The following GRID2 variants were observed in gnomAD, a reference collection of about 807,000 sequenced individuals.
GRID2 encodes the protein glutamate receptor ionotropic, delta-2.
In GRID2, 33 loss-of-function variants were observed where a neutral mutation model predicts 114.8. That is an observed-to-expected ratio of 0.29 (90% CI 0.22 to 0.38). The LOEUF (loss-of-function observed/expected upper bound fraction) is 0.38. Ranked by LOEUF, GRID2 falls within the 10% of genes least tolerant of loss-of-function variation. The pLI is 1.00. For missense variants in GRID2, 1,184 were observed against 1,257.7 expected (o/e 0.94, Z 0.89); for synonymous variants, 505 against 449.9 (o/e 1.12, Z -1.55).
chr4:92,814,926 T>G (rs1454193316), intron 2 of GRID2, among the ~76,000 whole-genome samples: 1 of 152,080 alleles, frequency 6.6e-6, no homozygotes. Flanking sequence ...CCCAATGTCA[T>G]GTACTGACAG....
At chr4:92,513,856 G>A (rs1462393395) in intron 1 of GRID2, among the ~76,000 whole-genome samples, 1 of 151,932 alleles carries the variant, frequency 6.6e-6, no homozygotes, top group Non-Finnish European at 1.5e-5. Context: ...TATATTTTAT[G>A]TGAGTTTAAT....
At chr4:92,499,666 G>A (rs1038084142) in intron 1 of GRID2, among the ~76,000 whole-genome samples, 7 of 152,168 alleles carry the variant, frequency 4.6e-5, no homozygotes, top group Non-Finnish European at 8.8e-5. Flanking sequence ...AAGCTGGAGT[G>A]CAATGGCGTG....
At chr4:93,784,461 G>A (rs537977960) in intron 1 of GRID2, among the ~76,000 whole-genome samples, 17 of 152,140 alleles carry the variant, frequency 1.1e-4, no homozygotes, top group African/African-American at 4.1e-4. Context: ...AATTGGAAAT[G>A]TGAATGTAGA....
At chr4:92,818,207 A>G (rs1324739715) in intron 2 of GRID2, among the ~76,000 whole-genome samples, 3 of 152,178 alleles carry the variant, frequency 2.0e-5, no homozygotes, top group Non-Finnish European at 4.4e-5. Flanking sequence ...ACTGATAAGC[A>G]GAATAACAGT....
intron 13 of GRID2, among the ~76,000 whole-genome samples, chr4:93,543,526 G>A (rs1654426954): frequency 6.6e-6 from 1 of 152,112 alleles, no homozygotes; most frequent in Admixed American, 6.6e-5. Flanking sequence ...ATGAATGAGT[G>A]AAAATAAAAT....
chr4:93,616,991 C>CA (rs373179529), intron 13 of GRID2, among the ~76,000 whole-genome samples: 1,371 of 106,534 alleles, frequency 0.013, 18 homozygotes, highest in African/African-American at 0.04. Flanking sequence ...GATTCCATCT[C>CA]AAAAAAAAAA....
chr4:93,531,846 A>G (rs1371902958), intron 13 of GRID2, among the ~76,000 whole-genome samples: 2 of 151,954 alleles, frequency 1.3e-5, no homozygotes, highest in Non-Finnish European at 2.9e-5. Context: ...AATTATTTTT[A>G]TTTTTCATAT....
intron 2 of GRID2, among the ~76,000 whole-genome samples, chr4:92,934,400 A>T (rs1750479206): frequency 6.6e-6 from 1 of 150,712 alleles, no homozygotes; most frequent in African/African-American, 2.4e-5. Context: ...ACTTTGCTGA[A>T]GCTGCTTATC....
chr4:92,360,350 TG>T, intron 1 of GRID2, among the ~76,000 whole-genome samples: 1 of 152,088 alleles, frequency 6.6e-6, no homozygotes, highest in Non-Finnish European at 1.5e-5. Context: ...TTCATAAAAT[TG>T]TTTTGATTCT....
At chr4:92,340,372 TAC>T (rs1337086446) in intron 1 of GRID2, among the ~76,000 whole-genome samples, 1 of 152,178 alleles carries the variant, frequency 6.6e-6, no homozygotes, top group Non-Finnish European at 1.5e-5. Context: ...TGATGTTATT[TAC>T]AGCATCTCAG....
intron 1 of GRID2, among the ~76,000 whole-genome samples, chr4:92,492,546 G>C (rs1723190499): frequency 6.6e-6 from 1 of 152,080 alleles, no homozygotes; most frequent in African/African-American, 2.4e-5. Context: ...GATATTCTTG[G>C]ATAGAGAACA....
intron 8 of GRID2, among the ~76,000 whole-genome samples, chr4:93,316,291 C>CGAAAGAAAGAAATAAA (rs1756597924): frequency 2.6e-5 from 2 of 77,122 alleles, no homozygotes; most frequent in Non-Finnish European, 5.1e-5. Context: ...AACGAAAGAA[C>CGAAAGAAAGAAATAAA]GAAAGAAAGA....
chr4:93,592,757 C>A (rs186700512), intron 13 of GRID2, among the ~76,000 whole-genome samples: 1 of 152,278 alleles, frequency 6.6e-6, no homozygotes, highest in East Asian at 1.9e-4. Context: ...TGGGTGCATA[C>A]ATATTTAGGA....
At chr4:93,082,860 G>A (rs1316875509) in intron 2 of GRID2, among the ~76,000 whole-genome samples, 1 of 152,180 alleles carries the variant, frequency 6.6e-6, no homozygotes, top group Non-Finnish European at 1.5e-5. Context: ...TGGGTTGGAA[G>A]AAACAAGATT....
At chr4:92,443,616 C>G (rs1733255059) in intron 1 of GRID2, among the ~76,000 whole-genome samples, 1 of 151,904 alleles carries the variant, frequency 6.6e-6, no homozygotes, top group Admixed American at 6.6e-5. Context: ...CTTGCCTCTC[C>G]TCTAGAAAAG....
At chr4:93,323,313 C>G (rs1335964425) in intron 8 of GRID2, among the ~76,000 whole-genome samples, 2 of 152,082 alleles carry the variant, frequency 1.3e-5, no homozygotes, top group African/African-American at 4.8e-5. Context: ...AATCCTTTCC[C>G]CATTTTTTAT....
chr4:93,329,878 G>GA (rs1758245331), intron 8 of GRID2, among the ~76,000 whole-genome samples: 1 of 150,728 alleles, frequency 6.6e-6, no homozygotes, highest in Non-Finnish European at 1.5e-5. Context: ...CTAGGGATAG[G>GA]AAAAGAGCCA....
At chr4:92,638,050 T>C (rs1731157698) in intron 2 of GRID2, among the ~76,000 whole-genome samples, 1 of 152,012 alleles carries the variant, frequency 6.6e-6, no homozygotes, top group Non-Finnish European at 1.5e-5. Flanking sequence ...TTATTTTTAC[T>C]ATAATCTCCT....
At chr4:92,630,294 C>G (rs1402143681) in intron 2 of GRID2, among the ~76,000 whole-genome samples, 6 of 152,094 alleles carry the variant, frequency 3.9e-5, no homozygotes, top group African/African-American at 1.4e-4. Context: ...TCACAAACTC[C>G]GTGTGTATTC....
Sources: gnomAD v4.1 joint callset for allele counts (sites outside exome capture counted in the v4.1 genomes callset) on GRCh38, gnomAD v4.1.1 for gene constraint, MANE v1.5 for transcripts, NCBI Gene and HGNC (gene_info 2026-07-23, HGNC 2026-07-21) for gene names.